The following SLC6A3 variants were observed in gnomAD, a reference collection of about 807,000 sequenced individuals.
SLC6A3 encodes the protein sodium-dependent dopamine transporter.
SLC6A3 carries 19 observed loss-of-function variants against 70.4 expected under a neutral mutation model. The ratio of observed to expected loss-of-function variants is 0.27; its 90% CI spans 0.19 to 0.40. The LOEUF (loss-of-function observed/expected upper bound fraction) is 0.40, where lower values mean the gene tolerates loss of function less well. SLC6A3 is among the 10% of genes least tolerant of loss of function. The pLI, the probability that SLC6A3 is intolerant of heterozygous loss-of-function variation, is 1.00. For synonymous variants in SLC6A3, 368 were observed against 356.6 expected (o/e 1.03, Z -0.36); for missense variants, 613 against 838.5 (o/e 0.73, Z 3.32).
intron 8 of SLC6A3, among the ~76,000 whole-genome samples, chr5:1,414,310 C>T (rs1428447672): frequency 3.8e-5 from 5 of 132,184 alleles, no homozygotes; most frequent in Admixed American, 2.3e-4. Flanking sequence ...ACTGAGGCAC[C>T]AACTATGCTG....
intron 1 of SLC6A3, among the ~76,000 whole-genome samples, chr5:1,443,512 C>G (rs1156952130): frequency 5.3e-5 from 8 of 152,228 alleles, no homozygotes; most frequent in African/African-American, 1.9e-4. Flanking sequence ...CACCCCTCCC[C>G]ACTCCTATCA....
At chr5:1,431,565 C>A (rs1305199942) in intron 4 of SLC6A3, among the ~76,000 whole-genome samples, 1 of 35,758 alleles carries the variant, frequency 2.8e-5, no homozygotes, top group African/African-American at 1.1e-4. Context: ...CCGGGGTGGA[C>A]GGTGAGGGGT....
At chr5:1,419,907 C>G (rs113291873) in intron 6 of SLC6A3, among the ~76,000 whole-genome samples, 2 of 152,074 alleles carry the variant, frequency 1.3e-5, no homozygotes, top group African/African-American at 4.8e-5. Flanking sequence ...CAGCCATGCC[C>G]GCCCATCCCT....
intron 12 of SLC6A3, 128 bp from the exon 13 acceptor site, chr5:1,403,217 C>G (rs971970437): frequency 9.2e-7 from 1 of 1,083,566 alleles, no homozygotes; most frequent in Non-Finnish European, 1.4e-6. Flanking sequence ...CAGACCCCGG[C>G]CAGGCCTGCA....
rs116355688 is a variant in SLC6A3, at chr5:1,439,690, C to T, written c.418+1669G>A. Among the ~76,000 whole-genome samples, 167 of 152,350 alleles carry T rather than the reference C, an allele frequency of 1.1e-3. 1 individual carries two copies. The highest frequency in any genetic ancestry group is 3.9e-3 in the African/African-American group (162 of 41,564). On this transcript the variant is annotated intron_variant, in intron 3 of 14. Coordinates refer to ENST00000270349, the MANE Select transcript of SLC6A3 (RefSeq NM_001044.5). ...TAAACACACAGCTTTTCCAGAACTT[C>T]TATGAGTATCCAGAGGCTGACCTTC...
rs1156718367 is a variant in SLC6A3, at chr5:1,408,666, C to T, written c.1498+360G>A. 1.3e-5 allele frequency among the ~76,000 whole-genome samples: 2 copies of T among 152,202 alleles called. No homozygotes were observed. Among genetic ancestry groups the T allele is most frequent in the South Asian group, 2.1e-4 (1 of 4,834 alleles). On this transcript the variant is annotated intron_variant, in intron 11 of 14. Transcript: ENST00000270349. This position sits in a 1 kb window ranked among gnomAD's most constrained non-coding sequence, Gnocchi z 6.4. ...CTCTGGTCAGCAGGGAAGGCGATGA[C>T]GGCACCTTTGAAAGGCACCATGTCA...
intron 4 of SLC6A3, among the ~76,000 whole-genome samples, chr5:1,425,088 C>T (rs1016594605): frequency 6.6e-6 from 1 of 152,218 alleles, no homozygotes; most frequent in African/African-American, 2.4e-5. Flanking sequence ...AAAGTGTTGG[C>T]CCAGGATGTT....
intron 4 of SLC6A3, among the ~76,000 whole-genome samples, chr5:1,431,008 C>G (rs464528): frequency 8.5e-5 from 13 of 152,064 alleles, no homozygotes; most frequent in African/African-American, 2.2e-4. Flanking sequence ...AGCGAGCCCC[C>G]CAAACAGGAG....
intron 4 of SLC6A3, among the ~76,000 whole-genome samples, chr5:1,431,091 G>A (rs1195145771): frequency 6.6e-6 from 1 of 152,222 alleles, no homozygotes; most frequent in Non-Finnish European, 1.5e-5. Flanking sequence ...CCAAAATGAC[G>A]GCTGAGTCGA....
chr5:1,441,061 G>C (rs993340947), intron 3 of SLC6A3, among the ~76,000 whole-genome samples: 1 of 152,246 alleles, frequency 6.6e-6, no homozygotes, highest in Non-Finnish European at 1.5e-5. Flanking sequence ...ATGGATGATA[G>C]GTAGATGGCA....
chr5:1,399,681 C>T (rs2126316320), intron 14 of SLC6A3, among the ~76,000 whole-genome samples: 1 of 152,276 alleles, frequency 6.6e-6, no homozygotes, highest in Middle Eastern at 3.4e-3. Flanking sequence ...GATGCCTGGA[C>T]ACGCCTCCTG....
chr5:1,409,207 A>C, intron 10 of SLC6A3, 82 bp from the exon 11 acceptor site: 1 of 1,042,046 alleles, frequency 9.6e-7, no homozygotes, highest in South Asian at 1.4e-5. Context: ...TGTGCACACA[A>C]ATTGTTTCAC....
In SLC6A3 at chr5:1,401,000, A is replaced by G. The variant is rs1361197990; in HGVS notation, c.1768-14T>C. The G allele has an allele frequency of 1.3e-6, 2 of 1,585,642 alleles. No homozygotes were observed. Among genetic ancestry groups the G allele is most frequent in the Non-Finnish European group, 1.7e-6 (2 of 1,162,610 alleles). ...GTAGGCCAGTTTCTGAAAGAGAAAG[A>G]GAGTGCAGGGGTCAGTGCAGACCAG... is the stretch of plus-strand genomic sequence containing the variant. On this transcript the variant is annotated splice_polypyrimidine_tract_variant and intron_variant, in intron 13 of 14. Coordinates refer to ENST00000270349, the MANE Select transcript of SLC6A3 (RefSeq NM_001044.5).
At chr5:1,427,740 TG>T (rs1756604449) in intron 4 of SLC6A3, among the ~76,000 whole-genome samples, 3 of 152,198 alleles carry the variant, frequency 2.0e-5, no homozygotes, top group Admixed American at 6.5e-5. Context: ...GACTTCAGAA[TG>T]AGAAATCTAA....
At chr5:1,420,034 C>G (rs1406317454) in intron 6 of SLC6A3, among the ~76,000 whole-genome samples, 1 of 152,214 alleles carries the variant, frequency 6.6e-6, no homozygotes, top group Non-Finnish European at 1.5e-5. Flanking sequence ...TGCCTCATAC[C>G]CCAGCTGAGA....
Position 1,394,151 on chromosome 5 carries a change from G to A in SLC6A3, c.*584C>T, listed in dbSNP as rs558015840. On this transcript the variant is annotated 3_prime_UTR_variant, in exon 15 of 15. Coordinates refer to ENST00000270349, the MANE Select transcript of SLC6A3 (RefSeq NM_001044.5). The surrounding 1 kb of genome is among the most constrained non-coding windows in gnomAD (Gnocchi z 4.7). The stretch of plus-strand genomic sequence containing the variant: ...TCCAATGCCTCTGAACAGACTGTGT[G>A]TGCAATGTGTCAACTGAACGCTCAA... The A allele has an allele frequency of 5.7e-6, 1 of 174,342 alleles. No individual in the cohort carries two copies. The highest frequency in any genetic ancestry group is 2.4e-5 in the African/African-American group (1 of 42,076). The allele number at this position is 174,342 out of a possible 1,614,324, so 10.8% of individuals were successfully genotyped here. A position where few individuals can be genotyped will look rare whatever the true frequency, so the allele number is the denominator to read the frequency against.
chr5:1,443,964 C>T (rs373213579), intron 1 of SLC6A3, among the ~76,000 whole-genome samples: 32 of 152,312 alleles, frequency 2.1e-4, no homozygotes, highest in African/African-American at 7.5e-4. Context: ...TCCCAAAGTG[C>T]TGAGATGACA....
chr5:1,394,982 T>C lies in SLC6A3; in HGVS notation c.1840-224A>G, dbSNP rs1287750714. Reference sequence around the variant, plus strand: ...AAACTCCTACAAATCAATCATTACTTGATTTTTTAAAAAGCCGCGAGACTG... The same window carrying C: ...AAACTCCTACAAATCAATCATTACTCGATTTTTTAAAAAGCCGCGAGACTG... On this transcript the variant is annotated intron_variant, in intron 14 of 14. Coordinates refer to ENST00000270349, the MANE Select transcript of SLC6A3 (RefSeq NM_001044.5). This position sits in a 1 kb window ranked among gnomAD's most constrained non-coding sequence, Gnocchi z 4.7. Among the ~76,000 whole-genome samples the C allele has an allele frequency of 6.6e-6, 1 of 152,234 alleles. No homozygotes were observed. Among genetic ancestry groups the C allele is most frequent in the African/African-American group, 2.4e-5 (1 of 41,456 alleles).
intron 8 of SLC6A3, among the ~76,000 whole-genome samples, chr5:1,412,425 C>T (rs569447011): frequency 9.9e-5 from 15 of 152,180 alleles, no homozygotes; most frequent in African/African-American, 1.7e-4. Flanking sequence ...TCCCTGCAAG[C>T]GAGGGGCACG....
Sources: allele counts gnomAD v4.1 joint callset (sites outside exome capture counted in the v4.1 genomes callset), GRCh38; gene constraint gnomAD v4.1.1; non-coding constraint Gnocchi (gnomAD v3.1); transcripts MANE v1.5; gene names NCBI Gene and HGNC (gene_info 2026-07-23, HGNC 2026-07-21).